The following SOX5 variants were observed in gnomAD, a reference collection of about 807,000 sequenced individuals.
The protein encoded by SOX5 is transcription factor SOX-5.
Under a neutral mutation model 92.0 loss-of-function variants are expected in SOX5, and 9 were observed. That is an observed-to-expected ratio of 0.10 (90% CI 0.06 to 0.17). The LOEUF is 0.17. SOX5 is among the 10% of genes least tolerant of loss of function. SOX5 has a pLI of 1.00. For synonymous variants in SOX5, 344 were observed against 336.3 expected (o/e 1.02, Z -0.25); for missense variants, 642 against 944.5 (o/e 0.68, Z 4.20).
Position 24,140,006 on chromosome 12 carries a change from T to G in SOX5, c.-2+73337A>C, listed in dbSNP as rs370044257. Among the ~76,000 whole-genome samples, 496 of 152,254 alleles carry G rather than the reference T, an allele frequency of 3.3e-3. 5 individuals carry two copies. In the South Asian group the frequency reaches 0.036, roughly 11 times the overall value. ...GGTACAGATTCCACTTATCAGGGTT[T>G]GTTTGTTTGTTTGTTTTTCCTAAAT... On this transcript the variant is annotated intron_variant, in intron 4 of 4. Coordinates refer to the SOX5 transcript ENST00000446891.
chr12:23,843,594 C>T (rs112452184), intron 3 of SOX5, among the ~76,000 whole-genome samples: 32,543 of 115,234 alleles, frequency 0.28, 4,878 homozygotes, highest in East Asian at 0.78. Flanking sequence ...GACAGAGTCT[C>T]GCTCTGTTGC....
intron 6 of SOX5, among the ~76,000 whole-genome samples, chr12:23,669,028 G>C (rs1031894): frequency 7.2e-6 from 1 of 139,788 alleles, no homozygotes; most frequent in Non-Finnish European, 1.5e-5. Context: ...TTATTTAATC[G>C]GAATTTCATT....
chr12:24,078,431 A>G (rs1409723868), intron 4 of SOX5, among the ~76,000 whole-genome samples: 2 of 152,068 alleles, frequency 1.3e-5, no homozygotes, highest in Non-Finnish European at 2.9e-5. Context: ...AACTACATAG[A>G]GTGAAGGCTG....
intron 3 of SOX5, among the ~76,000 whole-genome samples, chr12:23,828,249 G>T (rs1436020362): frequency 6.6e-6 from 1 of 152,104 alleles, no homozygotes; most frequent in African/African-American, 2.4e-5. Flanking sequence ...TATTACGTTT[G>T]CACAAGGGCA....
Position 23,700,986 on chromosome 12 carries a change from T to A in SOX5, c.810+33698A>T, listed in dbSNP as rs116731402. Reference sequence around the variant, plus strand: ...ATATATATACAAACACACACATATATCTCAGTCTTAATTTCATATGGAGTA... The same window carrying A: ...ATATATATACAAACACACACATATAACTCAGTCTTAATTTCATATGGAGTA... On this transcript the variant is annotated intron_variant, in intron 6 of 14. Coordinates refer to ENST00000451604, the MANE Select transcript of SOX5 (RefSeq NM_006940.6). 9.5e-3 allele frequency among the ~76,000 whole-genome samples: 1,436 copies of A among 151,834 alleles called. 30 individuals are homozygous for A. Among genetic ancestry groups the A allele is most frequent in the African/African-American group, 0.033 (1,375 of 41,476 alleles).
chr12:24,014,263 C>T (rs1292034892), intron 4 of SOX5, among the ~76,000 whole-genome samples: 2 of 152,074 alleles, frequency 1.3e-5, no homozygotes, highest in Admixed American at 6.6e-5. Context: ...CTCCTTTAAC[C>T]GTATGTCATC....
At chr12:24,319,396 T>A (rs945665520) in intron 2 of SOX5, among the ~76,000 whole-genome samples, 1 of 152,204 alleles carries the variant, frequency 6.6e-6, no homozygotes, top group Non-Finnish European at 1.5e-5. Context: ...CGTAACTTGA[T>A]CATCACAAGT....
chr12:24,520,563 A>C (rs1357753575), intron 1 of SOX5, among the ~76,000 whole-genome samples: 1 of 152,196 alleles, frequency 6.6e-6, no homozygotes, highest in Non-Finnish European at 1.5e-5. Context: ...GGAAGACAGC[A>C]AGAAAGGAAG....
chr12:24,519,985 C>T (rs1480698327), intron 1 of SOX5, among the ~76,000 whole-genome samples: 1 of 151,752 alleles, frequency 6.6e-6, no homozygotes, highest in Non-Finnish European at 1.5e-5. Context: ...GCAGATTTCT[C>T]AGCAGAAACA....
chr12:23,723,380 C>A (rs896187006), intron 6 of SOX5, among the ~76,000 whole-genome samples: 4 of 151,180 alleles, frequency 2.6e-5, no homozygotes, highest in Non-Finnish European at 5.9e-5. Flanking sequence ...AAAAGTTAGC[C>A]AGAGAAAGGA....
At chr12:24,339,448 G>C (rs1430660399) in intron 2 of SOX5, among the ~76,000 whole-genome samples, 2 of 152,176 alleles carry the variant, frequency 1.3e-5, no homozygotes, top group African/African-American at 2.4e-5. Flanking sequence ...AGTAGAAAAA[G>C]CAAAAAATAT....
intron 1 of SOX5, among the ~76,000 whole-genome samples, chr12:24,379,175 C>G (rs1209071306): frequency 6.6e-6 from 1 of 152,220 alleles, no homozygotes; most frequent in Non-Finnish European, 1.5e-5. Flanking sequence ...AAACAGTGCA[C>G]TCTCTTAATG....
intron 1 of SOX5, among the ~76,000 whole-genome samples, chr12:23,945,375 T>C (rs1569185496): frequency 6.6e-6 from 1 of 152,144 alleles, no homozygotes; most frequent in Non-Finnish European, 1.5e-5. Context: ...AATCATAATA[T>C]TTGCACATTT....
intron 3 of SOX5, among the ~76,000 whole-genome samples, chr12:23,809,403 A>C (rs996921603): frequency 5.3e-5 from 8 of 152,090 alleles, no homozygotes; most frequent in South Asian, 4.1e-4. Context: ...AATTTCTTAT[A>C]AATTAGTATA....
At chr12:23,710,123 C>G (rs775018621) in intron 6 of SOX5, among the ~76,000 whole-genome samples, 1 of 152,126 alleles carries the variant, frequency 6.6e-6, no homozygotes, top group Non-Finnish European at 1.5e-5. Flanking sequence ...ACACACCACA[C>G]GCACACACTC....
intron 2 of SOX5, among the ~76,000 whole-genome samples, chr12:24,299,095 T>C (rs1439330067): frequency 6.6e-6 from 1 of 152,190 alleles, no homozygotes; most frequent in Non-Finnish European, 1.5e-5. Context: ...CTTTGCAGGG[T>C]GAAACACTTG....
intron 7 of SOX5, among the ~76,000 whole-genome samples, chr12:23,653,721 C>T (rs2081973595): frequency 6.6e-6 from 1 of 152,028 alleles, no homozygotes; most frequent in Non-Finnish European, 1.5e-5. Flanking sequence ...CTCTCTGGGG[C>T]CACTCTTATA....
intron 1 of SOX5, among the ~76,000 whole-genome samples, chr12:23,899,074 A>G (rs11829865): frequency 0.023 from 3,441 of 152,278 alleles, 128 homozygotes; most frequent in African/African-American, 0.079. Flanking sequence ...TTGTCCATCT[A>G]TCAAAGTGTT....
At chr12:24,537,480 G>A (rs1202540905) in intron 1 of SOX5, among the ~76,000 whole-genome samples, 1 of 152,126 alleles carries the variant, frequency 6.6e-6, no homozygotes, top group Non-Finnish European at 1.5e-5. Flanking sequence ...TTCAGACTGA[G>A]GAAATGCCTG....
Sources: gnomAD v4.1 joint callset for allele counts (sites outside exome capture counted in the v4.1 genomes callset) on GRCh38, gnomAD v4.1.1 for gene constraint, MANE v1.5 for transcripts, NCBI Gene and HGNC (gene_info 2026-07-23, HGNC 2026-07-21) for gene names.